Variants in ARFGEF1 observed in about 807,000 individuals in gnomAD.
The protein encoded by ARFGEF1 is brefeldin A-inhibited guanine nucleotide-exchange protein 1.
A neutral mutation model predicts 231.0 loss-of-function variants in ARFGEF1; 42 were observed. The ratio of observed to expected loss-of-function variants is 0.18; its 90% CI spans 0.14 to 0.24. The LOEUF (loss-of-function observed/expected upper bound fraction) is 0.24, where lower values mean the gene tolerates loss of function less well. Among genes scored for constraint, ARFGEF1 ranks in the 10% least tolerant of loss-of-function variants. The pLI is 1.00. For missense variants in ARFGEF1, 1,345 were observed against 2,192.0 expected (o/e 0.61, Z 7.72); for synonymous variants, 710 against 732.3 (o/e 0.97, Z 0.49).
At chr8:67,260,011 T>A in intron 14 of ARFGEF1, 85 bp from the exon 15 acceptor site, 1 of 791,464 alleles carries the variant, frequency 1.3e-6, no homozygotes, top group Non-Finnish European at 2.0e-6. Flanking sequence ...AATTTTCTAA[T>A]AGCACCCAGA....
At chr8:67,288,727 C>T (rs1278574124) in intron 6 of ARFGEF1, among the ~76,000 whole-genome samples, 5 of 151,252 alleles carry the variant, frequency 3.3e-5, no homozygotes, top group African/African-American at 4.8e-5. Flanking sequence ...AGCAAGACGA[C>T]GTCTCAAAAA....
At chr8:67,200,671 G>A (rs748172927) in intron 37 of ARFGEF1, among the ~76,000 whole-genome samples, 158 bp from the exon 38 acceptor site, 22 of 151,882 alleles carry the variant, frequency 1.4e-4, no homozygotes, top group African/African-American at 2.7e-4. Flanking sequence ...ACATAAACAT[G>A]CTTTTCAAAT....
chr8:67,251,836 CA>C (rs779423989), intron 18 of ARFGEF1, among the ~76,000 whole-genome samples: 21 of 143,796 alleles, frequency 1.5e-4, no homozygotes, highest in Admixed American at 1.4e-4. Context: ...AATTTCACCT[CA>C]AAAAAAAAAA....
At chr8:67,238,991 GTTTT>G in intron 20 of ARFGEF1, 98 bp from the exon 21 acceptor site, 1 of 620,166 alleles carries the variant, frequency 1.6e-6, no homozygotes, top group South Asian at 5.0e-5. Flanking sequence ...GTAAGATTTT[GTTTT>G]TTTTTTTTTT....
intron 1 of ARFGEF1, among the ~76,000 whole-genome samples, chr8:67,327,383 T>C (rs1807884259): frequency 6.6e-6 from 1 of 151,146 alleles, no homozygotes; most frequent in Non-Finnish European, 1.5e-5. Flanking sequence ...AATGGTGCGA[T>C]CTCGGCTCAC....
At position 67,201,562 on chromosome 8, in the gene ARFGEF1, G is replaced by A; in HGVS notation, c.5172C>T (p.Thr1724=). ...KSKPNLLKQE[T]SSLACGLRIL... ...TGCGCAGCCCACAGGCCAGGCTGCT[G>A]GTCTCCTGCTTCAGAAGGTTGGGCT... Residue 1724 remains threonine (T), a synonymous_variant, in exon 37 of 39, where the codon ACC becomes ACT. Transcript: ENST00000262215. The A allele has an allele frequency of 6.2e-7, 1 of 1,613,496 alleles. No homozygotes were observed. Among genetic ancestry groups the A allele is most frequent in the Non-Finnish European group, 8.5e-7 (1 of 1,179,822 alleles).
chr8:67,312,609 G>A (rs911308140), intron 1 of ARFGEF1, among the ~76,000 whole-genome samples: 13 of 152,128 alleles, frequency 8.5e-5, no homozygotes, highest in African/African-American at 3.1e-4. Flanking sequence ...GAAATCAGAA[G>A]TTTTGAAACA....
chr8:67,280,908 A>C (rs1805506959), intron 7 of ARFGEF1, among the ~76,000 whole-genome samples: 1 of 152,226 alleles, frequency 6.6e-6, no homozygotes, highest in Non-Finnish European at 1.5e-5. Context: ...GTGAAGACAA[A>C]AGACAGCAAT....
At chr8:67,272,027 A>T (rs2128896661) in intron 9 of ARFGEF1, 91 bp from the exon 10 acceptor site, 1 of 752,966 alleles carries the variant, frequency 1.3e-6, no homozygotes, top group African/African-American at 1.8e-5. Context: ...GATACACATA[A>T]TCATAATTTC....
Position 67,267,402 on chromosome 8 carries a change from G to C in ARFGEF1, c.1613C>G (p.Ser538Cys), listed in dbSNP as rs778848500. Residue 538 changes from serine to cysteine, a missense_variant, in exon 11 of 39, where the codon TCT becomes TGT. By Grantham distance (112) the Ser-to-Cys change is moderately radical. Transcript: ENST00000262215. ...CCATTTGTGATCAAATGAGCTGGTA[G>C]AAGTTTCCAAAATGTATAAGAAAAT... ...KEIFLYILET[S>C]TSSFDHKWMV... 2 of 1,611,860 alleles carry C rather than the reference G, an allele frequency of 1.2e-6. No homozygotes were observed. Among genetic ancestry groups the C allele is most frequent in the South Asian group, 1.1e-5 (1 of 90,286 alleles).
At chr8:67,212,358 C>T (rs1838780927) in intron 33 of ARFGEF1, among the ~76,000 whole-genome samples, 1 of 152,202 alleles carries the variant, frequency 6.6e-6, no homozygotes, top group African/African-American at 2.4e-5. Context: ...GCTGGGATTA[C>T]AGGCGTGAGC....
At chr8:67,257,893 C>T in intron 16 of ARFGEF1, 77 bp from the exon 17 acceptor site, 1 of 1,311,346 alleles carries the variant, frequency 7.6e-7, no homozygotes, top group African/African-American at 1.5e-5. Context: ...CCTCAAATCC[C>T]ATAGCACTTT....
At chr8:67,303,180 C>A (rs1587267456) in intron 1 of ARFGEF1, among the ~76,000 whole-genome samples, 1 of 151,988 alleles carries the variant, frequency 6.6e-6, no homozygotes, top group Non-Finnish European at 1.5e-5. Flanking sequence ...TGTTTGGGGA[C>A]AGGAGGAAAA....
In ARFGEF1 at chr8:67,201,633, A is replaced by G. The variant is rs1350178944; in HGVS notation, c.5129-28T>C. 8.7e-6 allele frequency: 14 copies of G among 1,612,112 alleles called. No homozygotes were observed. The Admixed American group carries it at 2.3e-4, about 27-fold the overall frequency. On this transcript the variant is annotated intron_variant, in intron 36 of 38. Transcript: ENST00000262215. Reference sequence around the variant, plus strand: ...GCAGAAAAGGGAAGTTTCTGGGATTAGTTTGGGAAGGCATCTTATGTAAAG... The same window carrying G: ...GCAGAAAAGGGAAGTTTCTGGGATTGGTTTGGGAAGGCATCTTATGTAAAG...
Position 67,211,489 on chromosome 8 carries a change from T to C in ARFGEF1, c.4813A>G (p.Thr1605Ala), listed in dbSNP as rs1563839023. 1.3e-6 allele frequency: 2 copies of C among 1,572,550 alleles called. No homozygotes were observed. Among genetic ancestry groups the C allele is most frequent in the East Asian group, 2.3e-5 (1 of 44,186 alleles). Residue 1605 changes from threonine (T) to alanine (A), a missense_variant, in exon 34 of 39, where the codon ACA becomes GCA. Around this residue, in one of 14 missense-constraint regions of ARFGEF1, gnomAD observed 89 missense variants for 74.8 expected, o/e 1.19. Transcript: ENST00000262215. ...VNEEVSKIKS[T>A]AKFPEQKLFA... The stretch of plus-strand genomic sequence containing the variant: ...ATTTAGAGAAATAACTCACTTGCTG[T>C]AGATTTAATTTTGCTGACTTCTTCA...
chr8:67,190,662 AG>A, intron 5 of ARFGEF1: 1 of 1,613,928 alleles, frequency 6.2e-7, no homozygotes, highest in Non-Finnish European at 8.5e-7. Context: ...GCTTACGGTG[AG>A]ACATATCCTG....
chr8:67,200,286 G>A, intron 38 of ARFGEF1, 110 bp downstream of exon 38: 1 of 797,680 alleles, frequency 1.3e-6, no homozygotes. Flanking sequence ...GTGCAGCCTG[G>A]GCACTGCTTG....
intron 1 of ARFGEF1, among the ~76,000 whole-genome samples, chr8:67,311,271 C>T (rs1156368354): frequency 2.9e-5 from 4 of 139,232 alleles, no homozygotes; most frequent in Non-Finnish European, 6.4e-5. Context: ...CCAGCCGCCC[C>T]GTCCGGGAGG....
chr8:67,228,545 G>A (rs1230841356), intron 23 of ARFGEF1, among the ~76,000 whole-genome samples: 1 of 151,956 alleles, frequency 6.6e-6, no homozygotes, highest in Non-Finnish European at 1.5e-5. Context: ...ACCCCGGATA[G>A]ATATGAGATT....
Sources: gnomAD v4.1 joint callset for allele counts (sites outside exome capture counted in the v4.1 genomes callset) on GRCh38, gnomAD v4.1.1 for gene constraint, gnomAD v4.1.1 regional missense constraint, MANE v1.5 for transcripts, NCBI Gene and HGNC (gene_info 2026-07-23, HGNC 2026-07-21) for gene names.